The following DOCK10 variants were observed in gnomAD, a reference collection of about 807,000 sequenced individuals.
DOCK10 encodes the protein dedicator of cytokinesis 10.
DOCK10 carries 145 observed loss-of-function variants against 280.1 expected under a neutral mutation model. The observed-to-expected ratio is 0.52, with a 90% CI of 0.45 to 0.59. The LOEUF (loss-of-function observed/expected upper bound fraction) is 0.59, where lower values mean the gene tolerates loss of function less well. Ranked by LOEUF, DOCK10 falls within the 20% of genes least tolerant of loss-of-function variation. The pLI, the probability that DOCK10 is intolerant of heterozygous loss-of-function variation, is 0.00. For synonymous variants in DOCK10, 915 were observed against 942.2 expected, an observed-to-expected ratio of 0.97 and a Z score of 0.53; for missense variants, 2,368 against 2,651.7, an observed-to-expected ratio of 0.89 and a Z score of 2.35.
At position 225,042,310 on chromosome 2, in the gene DOCK10, A is replaced by G. The variant is rs1180577158; in HGVS notation, c.65T>C (p.Leu22Pro). The change falls in exon 1 of 56, where the codon CTC (leucine) becomes CCC (proline). Residue 22 changes from leucine (L) to proline (P), a missense_variant. By Grantham distance (98) the Leu-to-Pro change is moderately conservative. This residue lies in a region of DOCK10 where 1,209 missense variants were observed against 1,250.9 expected (regional missense o/e 0.97). Transcript: ENST00000258390. This position sits in a 1 kb window ranked among gnomAD's most constrained non-coding sequence, Gnocchi z 5.1. ...SLLRPGQAAE[L>P]RHSAASAAAV... ...GGCGGCGGACGCGGCGCTGTGCCGG[A>G]GCTCGGCCGCCTGCCCAGGTCTCAA... 6.6e-6 allele frequency: 9 copies of G among 1,355,206 alleles called. No homozygotes were observed. The South Asian group carries it at 9.0e-5, about 13-fold the overall frequency. 83.9% of individuals were successfully genotyped at this position (1,355,206 alleles called of 1,614,324 possible). A position where few individuals can be genotyped will look rare whatever the true frequency, so the allele number is the denominator to read the frequency against.
At chr2:224,944,459 A>G (rs1420260213) in intron 1 of DOCK10, among the ~76,000 whole-genome samples, 1 of 152,204 alleles carries the variant, frequency 6.6e-6, no homozygotes, top group Admixed American at 6.5e-5. Flanking sequence ...TGTTCAAGTT[A>G]CACAACACAA....
chr2:224,848,244 G>A lies in DOCK10; in HGVS notation c.2235+1263C>T, dbSNP rs112637383. Among the ~76,000 whole-genome samples, 329 of 152,296 alleles carry A rather than the reference G, an allele frequency of 2.2e-3. 1 individual carries two copies. The highest frequency in any genetic ancestry group is 4.0e-3 in the Non-Finnish European group (275 of 68,026). On this transcript the variant is annotated intron_variant, in intron 19 of 55. Coordinates refer to ENST00000258390, the MANE Select transcript of DOCK10 (RefSeq NM_014689.3). ...AGATAACAATTGCATACTGTTTTAA[G>A]CTGCTAAATGGTGATAATGTGTGAA...
At chr2:224,890,380 G>A (rs1001221217) in intron 4 of DOCK10, among the ~76,000 whole-genome samples, 39 of 152,170 alleles carry the variant, frequency 2.6e-4, no homozygotes, top group African/African-American at 8.9e-4. Context: ...ACAAAGTAAG[G>A]TTCTCTTGAA....
At position 224,865,011 on chromosome 2, in the gene DOCK10, T is replaced by G; in HGVS notation, c.1334A>C (p.Asp445Ala). ...SRKISADFHV[D>A]LNHAAVRQML... ...CTGTCTGACAGCAGCATGGTTTAGA[T>G]CCACATGAAAATCAGCAGAAATCTT... Residue 445 changes from aspartate (D) to alanine (A), a missense_variant, in exon 12 of 56, where the codon GAT (aspartate) becomes GCT (alanine). Transcript: ENST00000258390. 6.2e-7 allele frequency: 1 copy of G among 1,613,870 alleles called. No individual in the cohort carries two copies. The highest frequency in any genetic ancestry group is 8.5e-7 in the Non-Finnish European group (1 of 1,179,874).
chr2:224,985,142 T>C (rs955731113), intron 1 of DOCK10, among the ~76,000 whole-genome samples: 2 of 152,216 alleles, frequency 1.3e-5, no homozygotes, highest in Admixed American at 1.3e-4. Context: ...GCCTTACTAA[T>C]AAATGACCTT....
At chr2:224,776,332 G>A (rs1690862335) in intron 51 of DOCK10, among the ~76,000 whole-genome samples, 1 of 152,114 alleles carries the variant, frequency 6.6e-6, no homozygotes, top group African/African-American at 2.4e-5. Flanking sequence ...TAGAGGTTTC[G>A]AGTGACCAGC....
intron 1 of DOCK10, among the ~76,000 whole-genome samples, chr2:224,952,392 G>T (rs1006487711): frequency 4.6e-5 from 7 of 152,156 alleles, no homozygotes; most frequent in African/African-American, 1.4e-4. Context: ...GGGAGGAAAT[G>T]GAAAATTGGC....
At chr2:224,906,624 A>T (rs1320182939) in intron 3 of DOCK10, among the ~76,000 whole-genome samples, 1 of 152,084 alleles carries the variant, frequency 6.6e-6, no homozygotes, top group Non-Finnish European at 1.5e-5. Context: ...GACTACAGGC[A>T]CCTGCCACCA....
chr2:224,969,317 C>T (rs1704952293), intron 1 of DOCK10, among the ~76,000 whole-genome samples: 1 of 152,230 alleles, frequency 6.6e-6, no homozygotes, highest in Non-Finnish European at 1.5e-5. Context: ...ACCTTAACCA[C>T]ATCTGTAGCG....
chr2:224,907,666 C>T (rs369457144), intron 3 of DOCK10, among the ~76,000 whole-genome samples: 2 of 132,482 alleles, frequency 1.5e-5, no homozygotes. Flanking sequence ...CCAACCTGGG[C>T]GACAGAGCGA....
intron 24 of DOCK10, among the ~76,000 whole-genome samples, chr2:224,838,262 C>T (rs1414865834): frequency 6.6e-6 from 1 of 152,184 alleles, no homozygotes; most frequent in African/African-American, 2.4e-5. Context: ...TGCCTTCCAA[C>T]CTATAGGCAC....
At chr2:224,794,475 TC>T (rs1692412646) in intron 45 of DOCK10, among the ~76,000 whole-genome samples, 2 of 152,250 alleles carry the variant, frequency 1.3e-5, no homozygotes, top group South Asian at 4.2e-4. Flanking sequence ...GAGGACTGAT[TC>T]CCCCTGCCTG....
At chr2:224,892,408 A>AG (rs1699734484) in intron 4 of DOCK10, among the ~76,000 whole-genome samples, 16 of 123,688 alleles carry the variant, frequency 1.3e-4, no homozygotes, top group South Asian at 2.5e-4. Flanking sequence ...AAAAAAAAAA[A>AG]AAAAAAAAAA....
At chr2:224,939,588 C>T (rs1702892009) in intron 1 of DOCK10, among the ~76,000 whole-genome samples, 1 of 152,148 alleles carries the variant, frequency 6.6e-6, no homozygotes, top group South Asian at 2.1e-4. Context: ...AAAAATACAT[C>T]ACAACCCAAT....
chr2:224,836,364 G>A (rs962011135), intron 25 of DOCK10, among the ~76,000 whole-genome samples: 1 of 152,120 alleles, frequency 6.6e-6, no homozygotes, highest in Non-Finnish European at 1.5e-5. Flanking sequence ...GGATCTTATT[G>A]GGTAAAATTA....
Position 224,779,303 on chromosome 2 carries a change from C to T in DOCK10, c.5656-1019G>A, listed in dbSNP as rs550823174. On this transcript the variant is annotated intron_variant, in intron 50 of 55. Coordinates refer to ENST00000258390, the MANE Select transcript of DOCK10 (RefSeq NM_014689.3). ...TGACCTTGGCTCACTGCAACCTCTG[C>T]CTCCTGGGTTCAAGCGATTCTCCTA... 2.6e-5 allele frequency among the ~76,000 whole-genome samples: 4 copies of T among 151,570 alleles called. No homozygotes were observed. The South Asian group carries it at 8.3e-4, about 32-fold the overall frequency.
chr2:225,031,220 T>C (rs1690065312), intron 1 of DOCK10, among the ~76,000 whole-genome samples: 1 of 152,220 alleles, frequency 6.6e-6, no homozygotes, highest in Non-Finnish European at 1.5e-5. Flanking sequence ...TCAGACTGGC[T>C]GCCAGGGAAG....
intron 33 of DOCK10, 48 bp from the exon 34 acceptor site, chr2:224,806,285 C>T (rs772576970): frequency 3.6e-6 from 4 of 1,108,970 alleles, no homozygotes; most frequent in African/African-American, 3.3e-5. Flanking sequence ...GGCATTTCAA[C>T]ATTGTTAACC....
intron 40 of DOCK10, among the ~76,000 whole-genome samples, 185 bp from the exon 41 acceptor site, chr2:224,800,448 T>C (rs896737188): frequency 6.6e-6 from 1 of 152,228 alleles, no homozygotes; most frequent in Non-Finnish European, 1.5e-5. Flanking sequence ...GAGTCTTTAG[T>C]GTGTGTGCCC....
Sources: gnomAD v4.1 joint callset for allele counts (sites outside exome capture counted in the v4.1 genomes callset) on GRCh38, gnomAD v4.1.1 for gene constraint, gnomAD v4.1.1 regional missense constraint, Gnocchi (gnomAD v3.1) non-coding constraint, MANE v1.5 for transcripts, NCBI Gene and HGNC (gene_info 2026-07-23, HGNC 2026-07-21) for gene names.